Variants in GRID2 observed in about 807,000 individuals in gnomAD.
The protein encoded by GRID2 is glutamate receptor ionotropic, delta-2.
GRID2 carries 33 observed loss-of-function variants against 114.8 expected under a neutral mutation model. That is an observed-to-expected ratio of 0.29 (90% CI 0.22 to 0.38). GRID2 has a LOEUF of 0.38. Among genes scored for constraint, GRID2 ranks in the 10% least tolerant of loss-of-function variants. The pLI is 1.00. For synonymous variants in GRID2, 505 were observed against 449.9 expected, an observed-to-expected ratio of 1.12 and a Z score of -1.55; for missense variants, 1,184 against 1,257.7, an observed-to-expected ratio of 0.94 and a Z score of 0.89.
intron 8 of GRID2, among the ~76,000 whole-genome samples, chr4:93,315,216 A>G (rs1560488856): frequency 6.6e-6 from 1 of 152,132 alleles, no homozygotes; most frequent in Non-Finnish European, 1.5e-5. Flanking sequence ...CCCATAATCC[A>G]TAATCCAATC....
chr4:92,734,525 C>T (rs1481340924), intron 2 of GRID2, among the ~76,000 whole-genome samples: 1 of 151,952 alleles, frequency 6.6e-6, no homozygotes, highest in South Asian at 2.1e-4. Flanking sequence ...CTCAAGTGAC[C>T]CTCCAGCCAC....
At chr4:92,311,843 CT>C (rs1389655289) in intron 1 of GRID2, among the ~76,000 whole-genome samples, 1 of 151,866 alleles carries the variant, frequency 6.6e-6, no homozygotes, top group Non-Finnish European at 1.5e-5. Context: ...CTTTTAGTCT[CT>C]AAAATTAAAA....
At chr4:93,631,665 A>G (rs1720903785) in intron 14 of GRID2, among the ~76,000 whole-genome samples, 1 of 152,164 alleles carries the variant, frequency 6.6e-6, no homozygotes, top group African/African-American at 2.4e-5. Context: ...GAATAGTGCC[A>G]CAATAAATAT....
intron 8 of GRID2, among the ~76,000 whole-genome samples, chr4:93,342,690 G>A (rs1235614583): frequency 6.6e-6 from 1 of 152,136 alleles, no homozygotes; most frequent in Non-Finnish European, 1.5e-5. Context: ...TTTTATTTTA[G>A]GAAAAGTGAT....
intron 2 of GRID2, among the ~76,000 whole-genome samples, chr4:93,043,429 G>A (rs539158869): frequency 6.6e-6 from 1 of 152,248 alleles, no homozygotes; most frequent in African/African-American, 2.4e-5. Context: ...ACACAATGGT[G>A]AAAATGTAGG....
chr4:92,481,981 G>T (rs1465708269), intron 1 of GRID2, among the ~76,000 whole-genome samples: 2 of 47,242 alleles, frequency 4.2e-5, no homozygotes, highest in African/African-American at 1.5e-4. Flanking sequence ...AATAAAATGT[G>T]ATATATATAT....
intron 1 of GRID2, among the ~76,000 whole-genome samples, chr4:92,449,700 TA>T (rs1720796927): frequency 7.0e-6 from 1 of 142,494 alleles, no homozygotes; most frequent in South Asian, 2.1e-4. Flanking sequence ...TATATATATA[TA>T]TATATATATA....
At position 92,978,105 on chromosome 4, in the gene GRID2, AAGAATTAGAGTGTGCCT is replaced by A. The variant is rs1170369752; in HGVS notation, c.245-106888_245-106872del. On this transcript the variant is annotated intron_variant, in intron 2 of 15. Transcript: ENST00000282020. ...CCAATCCATAGGTATTTTGTAATTA[AAGAATTAGAGTGTGCCT>A]ATGGAAAGGGCACACATGAAAGGAA... Among the ~76,000 whole-genome samples, 10 of 152,252 alleles carry A rather than the reference AAGAATTAGAGTGTGCCT, an allele frequency of 6.6e-5. 1 individual carries two copies. The South Asian group carries it at 1.7e-3, about 25-fold the overall frequency.
At chr4:92,719,026 A>G (rs1476109558) in intron 2 of GRID2, among the ~76,000 whole-genome samples, 3 of 151,618 alleles carry the variant, frequency 2.0e-5, no homozygotes, top group African/African-American at 4.8e-5. Context: ...TCGCTCTGTC[A>G]CCCAGGTTGC....
chr4:92,500,469 T>C (rs1030484269), intron 1 of GRID2, among the ~76,000 whole-genome samples: 15 of 152,180 alleles, frequency 9.9e-5, no homozygotes, highest in Admixed American at 6.5e-4. Flanking sequence ...TTAAGTGAAA[T>C]TTCTCTGAAT....
chr4:92,765,063 A>G (rs1460027562), intron 2 of GRID2, among the ~76,000 whole-genome samples: 3 of 152,176 alleles, frequency 2.0e-5, no homozygotes, highest in Admixed American at 6.6e-5. Context: ...TCAAAACATG[A>G]TATTATTTTT....
chr4:93,182,486 T>C (rs1480533541), intron 4 of GRID2, among the ~76,000 whole-genome samples: 1 of 152,178 alleles, frequency 6.6e-6, no homozygotes, highest in Non-Finnish European at 1.5e-5. Context: ...TGATCAAAAA[T>C]AGTCATATAG....
chr4:93,765,561 T>G (rs571785433), intron 14 of GRID2, among the ~76,000 whole-genome samples: 61 of 151,284 alleles, frequency 4.0e-4, no homozygotes, highest in Admixed American at 7.9e-4. Context: ...TGATTTTTTT[T>G]GGGTTTAAGG....
intron 3 of GRID2, among the ~76,000 whole-genome samples, chr4:93,087,241 C>G (rs1343719605): frequency 6.6e-6 from 1 of 151,494 alleles, no homozygotes. Context: ...GGGGTTTCAA[C>G]GTGTTAGCCA....
intron 14 of GRID2, among the ~76,000 whole-genome samples, chr4:93,731,525 T>C (rs555134789): frequency 3.3e-5 from 5 of 152,194 alleles, no homozygotes; most frequent in Non-Finnish European, 7.4e-5. Context: ...TAAACCACAA[T>C]AAAATCATTA....
chr4:93,225,410 C>A (rs1169159077), intron 7 of GRID2, among the ~76,000 whole-genome samples: 5 of 152,160 alleles, frequency 3.3e-5, no homozygotes, highest in Admixed American at 1.3e-4. Context: ...TTATTAGACT[C>A]TTTGTCATGT....
At chr4:93,590,408 A>G (rs1738103517) in intron 13 of GRID2, among the ~76,000 whole-genome samples, 2 of 148,992 alleles carry the variant, frequency 1.3e-5, no homozygotes, top group South Asian at 4.3e-4. Context: ...TGTTCCATTG[A>G]TCTATATCTC....
intron 13 of GRID2, among the ~76,000 whole-genome samples, chr4:93,577,312 T>G (rs1196453594): frequency 6.6e-6 from 1 of 151,992 alleles, no homozygotes; most frequent in East Asian, 1.9e-4. Flanking sequence ...ATGGAAACAT[T>G]TATAGAAGAG....
At chr4:93,130,124 G>T (rs545223785) in intron 4 of GRID2, among the ~76,000 whole-genome samples, 1 of 152,202 alleles carries the variant, frequency 6.6e-6, no homozygotes, top group Non-Finnish European at 1.5e-5. Context: ...AGACAGGCGG[G>T]AGACCCAAAT....
Sources: gnomAD v4.1 joint callset for allele counts (sites outside exome capture counted in the v4.1 genomes callset) on GRCh38, gnomAD v4.1.1 for gene constraint, MANE v1.5 for transcripts, NCBI Gene and HGNC (gene_info 2026-07-23, HGNC 2026-07-21) for gene names.